MTUS1: variants seen among roughly 807,000 people sequenced by gnomAD.
MTUS1 encodes the protein microtubule-associated tumor suppressor 1.
In MTUS1, 109 loss-of-function variants were observed where a neutral mutation model predicts 120.8. The ratio of observed to expected loss-of-function variants is 0.90; its 90% CI spans 0.77 to 1.06. The LOEUF is 1.06. MTUS1 is among the 50% of genes least tolerant of loss of function. The pLI is 0.00. For missense variants in MTUS1, 2,210 were observed against 1,486.3 expected (o/e 1.49, Z -8.01); for synonymous variants, 737 against 550.5 (o/e 1.34, Z -4.74).
At chr8:17,767,149 G>A (rs2049574872) in intron 1 of MTUS1, among the ~76,000 whole-genome samples, 2 of 127,978 alleles carry the variant, frequency 1.6e-5, no homozygotes, top group South Asian at 2.5e-4. Context: ...GATAATGACC[G>A]ACTTTTCTTT....
chr8:17,693,745 C>G (rs991324447), intron 6 of MTUS1, among the ~76,000 whole-genome samples: 1 of 152,196 alleles, frequency 6.6e-6, no homozygotes, highest in Non-Finnish European at 1.5e-5. Context: ...AGTCCACACC[C>G]TGCATTATTA....
chr8:17,770,700 A>T (rs1047397105), intron 1 of MTUS1: 19 of 152,200 alleles, frequency 1.2e-4, no homozygotes, highest in Admixed American at 4.6e-4. Flanking sequence ...TTATTCTTCC[A>T]AACTAAAGAA....
At chr8:17,653,012 A>C (rs1044097961) in intron 12 of MTUS1, among the ~76,000 whole-genome samples, 174 bp downstream of exon 12, 2 of 152,170 alleles carry the variant, frequency 1.3e-5, no homozygotes, top group Non-Finnish European at 2.9e-5. Context: ...TAGGATGGTA[A>C]AACAAGACGC....
At chr8:17,756,224 T>C (rs926041877) in intron 1 of MTUS1, among the ~76,000 whole-genome samples, 5 of 152,188 alleles carry the variant, frequency 3.3e-5, no homozygotes, top group African/African-American at 9.7e-5. Context: ...TTATAACTGA[T>C]ATGCCTCTCC....
At chr8:17,695,098 G>C (rs1304648673) in intron 6 of MTUS1, among the ~76,000 whole-genome samples, 2 of 152,156 alleles carry the variant, frequency 1.3e-5, no homozygotes, top group African/African-American at 4.8e-5. Flanking sequence ...TCAGATAAGA[G>C]TCACCATGAC....
intron 1 of MTUS1, among the ~76,000 whole-genome samples, chr8:17,765,974 T>C (rs2049454639): frequency 6.6e-6 from 1 of 152,144 alleles, no homozygotes; most frequent in South Asian, 2.1e-4. Flanking sequence ...TATCATTTAC[T>C]ATATGAAATT....
intron 1 of MTUS1, among the ~76,000 whole-genome samples, chr8:17,769,394 C>T (rs1447182566): frequency 6.3e-5 from 9 of 143,676 alleles, no homozygotes. Context: ...GTCGCCCAGG[C>T]TGGAGTGCAG....
intron 1 of MTUS1, among the ~76,000 whole-genome samples, chr8:17,784,802 TGACACAGA>T (rs2051164953): frequency 6.6e-6 from 1 of 151,562 alleles, no homozygotes; most frequent in Non-Finnish European, 1.5e-5. Flanking sequence ...TTTTTTTTTT[TGACACAGA>T]GGCTTGCTCT....
intron 1 of MTUS1, among the ~76,000 whole-genome samples, chr8:17,758,572 A>C (rs2048800383): frequency 6.6e-6 from 1 of 152,230 alleles, no homozygotes; most frequent in Admixed American, 6.5e-5. Context: ...TAAATGTTTA[A>C]ATCAAGAAAT....
intron 1 of MTUS1, among the ~76,000 whole-genome samples, chr8:17,791,561 A>G (rs2051785764): frequency 6.6e-6 from 1 of 152,244 alleles, no homozygotes; most frequent in Non-Finnish European, 1.5e-5. Flanking sequence ...TTTACCAAAG[A>G]TAAAAGTATC....
chr8:17,646,764 C>T (rs1805878940), intron 14 of MTUS1, among the ~76,000 whole-genome samples: 1 of 152,168 alleles, frequency 6.6e-6, no homozygotes, highest in Non-Finnish European at 1.5e-5. Context: ...GCCGTGGGAG[C>T]AGGCTTGCTG....
intron 4 of MTUS1, among the ~76,000 whole-genome samples, chr8:17,721,227 T>G (rs1425905656): frequency 6.6e-6 from 1 of 152,180 alleles, no homozygotes; most frequent in Non-Finnish European, 1.5e-5. Context: ...GACCACCCAT[T>G]ATCAGAAACA....
intron 4 of MTUS1, among the ~76,000 whole-genome samples, chr8:17,720,656 C>G (rs1202701146): frequency 2.0e-5 from 3 of 152,160 alleles, no homozygotes; most frequent in Non-Finnish European, 4.4e-5. Flanking sequence ...TATACACTCT[C>G]CCAAGACCCC....
intron 8 of MTUS1, among the ~76,000 whole-genome samples, chr8:17,663,301 A>C (rs1810175369): frequency 6.6e-6 from 1 of 152,018 alleles, no homozygotes; most frequent in Admixed American, 6.6e-5. Context: ...TCTCACAGAG[A>C]CTCATTTCCC....
At position 17,754,622 on chromosome 8, in the gene MTUS1, T is replaced by G. The variant is rs2048458351; in HGVS notation, c.1186A>C (p.Ile396Leu). Residue 396 changes from isoleucine (I) to leucine (L), a missense_variant, in exon 2 of 15, where the codon ATT becomes CTT. Physicochemically the swap from Ile to Leu is conservative, Grantham distance 5 (BLOSUM62 2). Coordinates refer to ENST00000693296, the MANE Select transcript of MTUS1 (RefSeq NM_001363059.2). ...LGTQNHTSEL[I>L]LSSPPGQKVG... ...TTTTGTCCTGGCGGGCTACTTAGAA[T>G]CAATTCTGAGGTATGATTTTGGGTT... The G allele has an allele frequency of 6.2e-7, 1 of 1,614,194 alleles. No homozygotes were observed. Among genetic ancestry groups the G allele is most frequent in the African/African-American group, 1.3e-5 (1 of 75,048 alleles).
chr8:17,686,189 G>T (rs4921802), intron 6 of MTUS1, among the ~76,000 whole-genome samples: 56,254 of 152,068 alleles, frequency 0.37, 11,749 homozygotes, highest in Middle Eastern at 0.49. Flanking sequence ...CCTGGATGTA[G>T]ACAACTTCTA....
At chr8:17,733,592 G>A (rs911978661) in intron 3 of MTUS1, among the ~76,000 whole-genome samples, 3 of 152,048 alleles carry the variant, frequency 2.0e-5, no homozygotes, top group Admixed American at 6.6e-5. Context: ...AATTTGCCTG[G>A]TTAAATTCAA....
chr8:17,788,425 C>T (rs1287030220), intron 1 of MTUS1, among the ~76,000 whole-genome samples: 1 of 152,124 alleles, frequency 6.6e-6, no homozygotes, highest in Non-Finnish European at 1.5e-5. Context: ...TAAATGTTGA[C>T]GATAGCTACT....
chr8:17,711,826 G>C (rs1217156573), intron 6 of MTUS1, among the ~76,000 whole-genome samples: 1 of 152,126 alleles, frequency 6.6e-6, no homozygotes, highest in Admixed American at 6.6e-5. Flanking sequence ...AATATTCAGA[G>C]GTCATTATAG....
Sources: gnomAD v4.1 joint callset for allele counts (sites outside exome capture counted in the v4.1 genomes callset) on GRCh38, gnomAD v4.1.1 for gene constraint, MANE v1.5 for transcripts, NCBI Gene and HGNC (gene_info 2026-07-23, HGNC 2026-07-21) for gene names.